The following BMP6 variants were observed in gnomAD, a reference collection of about 807,000 sequenced individuals.
BMP6 encodes the protein bone morphogenetic protein 6.
A neutral mutation model predicts 54.1 loss-of-function variants in BMP6; 17 were observed. That is an observed-to-expected ratio of 0.31 (90% confidence interval 0.22 to 0.47). BMP6 has a LOEUF of 0.47. BMP6 is among the 20% of genes least tolerant of loss of function. The pLI, the probability that BMP6 is intolerant of heterozygous loss-of-function variation, is 1.00. For missense variants in BMP6, 720 were observed against 690.4 expected, an observed-to-expected ratio of 1.04 and a Z score of -0.48; for synonymous variants, 328 against 291.2, an observed-to-expected ratio of 1.13 and a Z score of -1.28.
At chr6:7,847,238 G>A (rs1490411580) in intron 2 of BMP6, among the ~76,000 whole-genome samples, 5 of 152,186 alleles carry the variant, frequency 3.3e-5, no homozygotes, top group African/African-American at 1.2e-4. Flanking sequence ...TCTAGGATGG[G>A]AGCATTTGGC....
chr6:7,863,124 G>T (rs1759363224), intron 4 of BMP6, among the ~76,000 whole-genome samples: 1 of 151,998 alleles, frequency 6.6e-6, no homozygotes, highest in South Asian at 2.1e-4. Flanking sequence ...TCAGCCTCCC[G>T]AGTAGCTGGG....
intron 1 of BMP6, among the ~76,000 whole-genome samples, chr6:7,766,467 A>T (rs565198692): frequency 6.6e-6 from 1 of 152,254 alleles, no homozygotes; most frequent in African/African-American, 2.4e-5. Flanking sequence ...GTTTTTAAAA[A>T]ATTAACCAGA....
At chr6:7,875,640 C>G (rs538373581) in intron 4 of BMP6, among the ~76,000 whole-genome samples, 1 of 152,164 alleles carries the variant, frequency 6.6e-6, no homozygotes, top group Non-Finnish European at 1.5e-5. Context: ...TGTGCTCCAG[C>G]TTGCGTGACA....
chr6:7,850,735 T>G (rs1259259158), intron 2 of BMP6, among the ~76,000 whole-genome samples: 1 of 152,078 alleles, frequency 6.6e-6, no homozygotes, highest in Non-Finnish European at 1.5e-5. Context: ...CGAGACGATG[T>G]GAGATGTAGA....
intron 1 of BMP6, among the ~76,000 whole-genome samples, chr6:7,755,014 G>T (rs138150270): frequency 6.6e-6 from 1 of 152,112 alleles, no homozygotes; most frequent in Non-Finnish European, 1.5e-5. Context: ...CACCGCGCCC[G>T]GACTAATTTT....
intron 4 of BMP6, among the ~76,000 whole-genome samples, chr6:7,868,178 C>T (rs1479720301): frequency 2.0e-5 from 3 of 152,166 alleles, no homozygotes; most frequent in African/African-American, 4.8e-5. Flanking sequence ...AGACCAAAGT[C>T]CCACCCAGAT....
In BMP6 at chr6:7,881,402, T is replaced by C. The variant is rs927802916; in HGVS notation, c.*1059T>C. On this transcript the variant is annotated 3_prime_UTR_variant, in exon 7 of 7. Coordinates refer to ENST00000283147, the MANE Select transcript of BMP6 (RefSeq NM_001718.6). The stretch of plus-strand genomic sequence containing the variant: ...GCAATTTCATACTAAACTGATTAAA[T>C]AATACATTTATAATCTACAACTGTT... The C allele has an allele frequency of 2.0e-5, 3 of 152,128 alleles. No homozygotes were observed. Among genetic ancestry groups the C allele is most frequent in the African/African-American group, 4.8e-5 (2 of 41,398 alleles). 9.4% of individuals were successfully genotyped at this position (152,128 alleles called of 1,614,324 possible).
rs527428051 is a variant in BMP6, at chr6:7,770,229, C to T, written c.664+42610C>T. Among the ~76,000 whole-genome samples the T allele has an allele frequency of 2.1e-4, 32 of 152,230 alleles. No homozygotes were observed. In the South Asian group the frequency reaches 6.4e-3, roughly 31 times the overall value. On this transcript the variant is annotated intron_variant, in intron 1 of 6. Coordinates refer to ENST00000283147, the MANE Select transcript of BMP6 (RefSeq NM_001718.6). ...ATTTATTTAAAATGGGAAAATAAGC[C>T]ACATCCTGTTTTTAAGCGGTTGAAC...
At chr6:7,875,401 G>A (rs565470747) in intron 4 of BMP6, among the ~76,000 whole-genome samples, 1 of 152,246 alleles carries the variant, frequency 6.6e-6, no homozygotes, top group East Asian at 1.9e-4. Context: ...ACAGTTGCCA[G>A]ACTCAGTAGC....
chr6:7,790,751 C>A (rs1383097625), intron 1 of BMP6, among the ~76,000 whole-genome samples: 2 of 152,130 alleles, frequency 1.3e-5, no homozygotes, highest in Non-Finnish European at 2.9e-5. Flanking sequence ...GAATACCACA[C>A]AACTACCAGT....
In BMP6 at chr6:7,860,633, C is replaced by G. The variant is rs1759318768; in HGVS notation, c.858-818C>G. 2.0e-5 allele frequency among the ~76,000 whole-genome samples: 3 copies of G among 152,184 alleles called. No homozygotes were observed. The South Asian group carries it at 6.2e-4, about 32-fold the overall frequency. Reference sequence around the variant, plus strand: ...GATTCTCTGACTTTGCCTCAAAGAACCCCAGCTGTAGCTCACCACTGTGCT... The same window carrying G: ...GATTCTCTGACTTTGCCTCAAAGAAGCCCAGCTGTAGCTCACCACTGTGCT... On this transcript the variant is annotated intron_variant, in intron 2 of 6. Transcript: ENST00000283147.
chr6:7,832,578 C>T (rs921615658), intron 1 of BMP6, among the ~76,000 whole-genome samples: 7 of 151,910 alleles, frequency 4.6e-5, no homozygotes, highest in African/African-American at 1.5e-4. Flanking sequence ...TTACCCATTG[C>T]GTATTGCAAG....
chr6:7,856,433 T>A (rs1759233735), intron 2 of BMP6, among the ~76,000 whole-genome samples: 1 of 151,980 alleles, frequency 6.6e-6, no homozygotes, highest in South Asian at 2.1e-4. Context: ...AGTTCCTCCA[T>A]GTATGAATGT....
At chr6:7,762,101 TAGTAGA>T (rs1757621991) in intron 1 of BMP6, among the ~76,000 whole-genome samples, 6 of 152,116 alleles carry the variant, frequency 3.9e-5, no homozygotes, top group Admixed American at 3.9e-4. Flanking sequence ...TTTGTATTTT[TAGTAGA>T]AATGGGGTTT....
intron 1 of BMP6, among the ~76,000 whole-genome samples, chr6:7,762,289 A>G (rs980750024): frequency 6.6e-6 from 1 of 152,214 alleles, no homozygotes; most frequent in Non-Finnish European, 1.5e-5. Flanking sequence ...ATGTCAATGC[A>G]GTGTTATTAT....
At chr6:7,727,778 C>T (rs947698215) in intron 1 of BMP6, among the ~76,000 whole-genome samples, 159 bp downstream of exon 1, 1 of 151,610 alleles carries the variant, frequency 6.6e-6, no homozygotes, top group Non-Finnish European at 1.5e-5. Flanking sequence ...CCGCCACCTG[C>T]GCGGCGGTGG....
At chr6:7,799,741 A>T (rs966736532) in intron 1 of BMP6, among the ~76,000 whole-genome samples, 6 of 25,274 alleles carry the variant, frequency 2.4e-4, no homozygotes, top group Non-Finnish European at 3.9e-4. Context: ...CACTGATTAT[A>T]AAAAAAAAAA....
chr6:7,785,526 TAGG>T (rs1221368264), intron 1 of BMP6, among the ~76,000 whole-genome samples: 5 of 152,216 alleles, frequency 3.3e-5, no homozygotes, highest in Non-Finnish European at 5.9e-5. Context: ...ACTGACATAG[TAGG>T]AGAAGGAGGC....
At chr6:7,787,556 G>A (rs1287598924) in intron 1 of BMP6, among the ~76,000 whole-genome samples, 1 of 152,150 alleles carries the variant, frequency 6.6e-6, no homozygotes, top group Admixed American at 6.5e-5. Flanking sequence ...CTCAGAGCAG[G>A]GATCTATTTG....
Sources: gnomAD v4.1 joint callset for allele counts (sites outside exome capture counted in the v4.1 genomes callset) on GRCh38, gnomAD v4.1.1 for gene constraint, MANE v1.5 for transcripts, NCBI Gene and HGNC (gene_info 2026-07-23, HGNC 2026-07-21) for gene names.